Variants in TNRC6B observed in about 807,000 individuals in gnomAD.
The protein encoded by TNRC6B is trinucleotide repeat-containing gene 6B protein.
TNRC6B carries 52 observed loss-of-function variants against 203.6 expected under a neutral mutation model. The observed-to-expected ratio is 0.26, with a 90% CI of 0.20 to 0.32. The LOEUF is 0.32. Ranked by LOEUF, TNRC6B falls within the 10% of genes least tolerant of loss-of-function variation. The pLI is 1.00. For synonymous variants in TNRC6B, 838 were observed against 845.7 expected (o/e 0.99, Z 0.16); for missense variants, 1,923 against 2,286.2 (o/e 0.84, Z 3.24).
chr22:40,315,802 A>G (rs1569067045), intron 20 of TNRC6B, 140 bp from the exon 21 acceptor site: 12 of 717,018 alleles, frequency 1.7e-5, no homozygotes, highest in Non-Finnish European at 1.2e-5. Context: ...TAGAAGAGAA[A>G]AAGAAGGTCA....
At chr22:40,280,735 C>A (rs1029976438) in intron 10 of TNRC6B, among the ~76,000 whole-genome samples, 2 of 152,222 alleles carry the variant, frequency 1.3e-5, no homozygotes, top group African/African-American at 4.8e-5. Context: ...ATTTTTAAAT[C>A]TGGCACGTTT....
intron 1 of TNRC6B, among the ~76,000 whole-genome samples, chr22:40,061,296 C>A (rs1484798013): frequency 2.0e-5 from 3 of 152,104 alleles, no homozygotes; most frequent in African/African-American, 7.2e-5. Context: ...CTCACTGCAA[C>A]CTCCGTCTTC....
chr22:40,291,836 A>G (rs2070872856), intron 12 of TNRC6B, among the ~76,000 whole-genome samples: 1 of 152,244 alleles, frequency 6.6e-6, no homozygotes, highest in Non-Finnish European at 1.5e-5. Flanking sequence ...GGTTTTGATA[A>G]ATACCAGATT....
At chr22:40,143,406 C>T (rs1370831730) in intron 3 of TNRC6B, among the ~76,000 whole-genome samples, 5 of 152,092 alleles carry the variant, frequency 3.3e-5, no homozygotes, top group African/African-American at 1.2e-4. Context: ...GCACTCCAGC[C>T]TGGGTGACAG....
chr22:40,193,130 T>C (rs1443568443), intron 1 of TNRC6B, among the ~76,000 whole-genome samples: 1 of 152,214 alleles, frequency 6.6e-6, no homozygotes, highest in Non-Finnish European at 1.5e-5. Flanking sequence ...TCCATCAGGC[T>C]GCAGTGAGTC....
At chr22:40,068,834 C>G (rs546281169) in intron 1 of TNRC6B, among the ~76,000 whole-genome samples, 59 of 152,212 alleles carry the variant, frequency 3.9e-4, no homozygotes, top group Middle Eastern at 3.4e-3. Context: ...TCCTCCCTGC[C>G]TCAGCCTCCT....
intron 4 of TNRC6B, among the ~76,000 whole-genome samples, chr22:40,162,679 A>T (rs1343718044): frequency 6.6e-6 from 1 of 152,206 alleles, no homozygotes; most frequent in Non-Finnish European, 1.5e-5. Flanking sequence ...CCATTATAAT[A>T]TGTACATGTT....
chr22:40,212,519 C>T (rs2069578798), intron 1 of TNRC6B, among the ~76,000 whole-genome samples: 1 of 152,158 alleles, frequency 6.6e-6, no homozygotes, highest in East Asian at 1.9e-4. Context: ...TGGGTATGGA[C>T]ACAGTTTAAG....
chr22:40,045,362 C>G (rs1287528528), intron 1 of TNRC6B: 1 of 148,782 alleles, frequency 6.7e-6, no homozygotes, highest in African/African-American at 2.4e-5. Context: ...GCGCGCGGCT[C>G]CGGGCGTCAC....
intron 1 of TNRC6B, chr22:40,107,210 A>G (rs1011302516): frequency 4.2e-6 from 2 of 478,934 alleles, no homozygotes; most frequent in African/African-American, 4.0e-5. Flanking sequence ...GCTATGAAGC[A>G]TTTTCCCATA....
At chr22:40,141,178 C>A (rs562921429) in intron 3 of TNRC6B, among the ~76,000 whole-genome samples, 13 of 145,834 alleles carry the variant, frequency 8.9e-5, no homozygotes, top group African/African-American at 2.5e-4. Flanking sequence ...AACTTCTTTC[C>A]ATGGGTGGTG....
At chr22:40,064,288 C>A (rs145933966) in intron 1 of TNRC6B, among the ~76,000 whole-genome samples, 80 of 152,094 alleles carry the variant, frequency 5.3e-4, no homozygotes, top group African/African-American at 1.8e-3. Flanking sequence ...CCAAAAGTGG[C>A]AAGCCTGGAT....
At chr22:40,167,273 C>T (rs1272752782) in intron 4 of TNRC6B, among the ~76,000 whole-genome samples, 1 of 152,124 alleles carries the variant, frequency 6.6e-6, no homozygotes. Flanking sequence ...GCCGAAGTCA[C>T]TCATAAGTCC....
intron 1 of TNRC6B, among the ~76,000 whole-genome samples, chr22:40,195,455 C>T (rs369704856): frequency 3.9e-5 from 6 of 152,194 alleles, no homozygotes; most frequent in East Asian, 3.9e-4. Flanking sequence ...TTGCCTTTGT[C>T]GTCTTCTCTT....
intron 1 of TNRC6B, among the ~76,000 whole-genome samples, chr22:40,185,153 G>A (rs1327309681): frequency 6.6e-6 from 1 of 152,164 alleles, no homozygotes; most frequent in Admixed American, 6.5e-5. Context: ...ACCACGGCCA[G>A]CTAATTTTTG....
chr22:40,259,875 G>A (rs2070349060), intron 3 of TNRC6B, among the ~76,000 whole-genome samples: 1 of 152,180 alleles, frequency 6.6e-6, no homozygotes, highest in Admixed American at 6.6e-5. Context: ...AGGGATTTGG[G>A]CCTCAGAATC....
intron 6 of TNRC6B, among the ~76,000 whole-genome samples, chr22:40,272,126 T>TA (rs1188862237): frequency 6.6e-6 from 1 of 152,174 alleles, no homozygotes; most frequent in Non-Finnish European, 1.5e-5. Flanking sequence ...ATATAAATCA[T>TA]AAATATGGTA....
intron 21 of TNRC6B, among the ~76,000 whole-genome samples, chr22:40,318,155 C>G (rs1020819993): frequency 6.6e-6 from 1 of 152,158 alleles, no homozygotes; most frequent in Non-Finnish European, 1.5e-5. Flanking sequence ...ACTCGTATTT[C>G]AAGATGCACA....
chr22:40,111,219 C>G (rs568596166), intron 1 of TNRC6B, among the ~76,000 whole-genome samples: 4 of 152,190 alleles, frequency 2.6e-5, no homozygotes, highest in African/African-American at 9.7e-5. Flanking sequence ...CAACGGCACG[C>G]GAAACCACGT....
Sources: allele counts gnomAD v4.1 joint callset (sites outside exome capture counted in the v4.1 genomes callset), GRCh38; gene constraint gnomAD v4.1.1; transcripts MANE v1.5; gene names NCBI Gene and HGNC (gene_info 2026-07-23, HGNC 2026-07-21).